TMEM108: variants seen among roughly 807,000 people sequenced by gnomAD.
TMEM108 encodes the protein transmembrane protein 108.
TMEM108 carries 12 observed loss-of-function variants against 35.1 expected under a neutral mutation model. The observed-to-expected ratio is 0.34, with a 90% CI of 0.22 to 0.55. The LOEUF is 0.55. Ranked by LOEUF, TMEM108 falls within the 20% of genes least tolerant of loss-of-function variation. The probability of loss-of-function intolerance (pLI) is 0.89; values close to 1 mark genes in which losing one functional copy is unlikely to be tolerated. For missense variants in TMEM108, 680 were observed against 753.3 expected, an observed-to-expected ratio of 0.90 and a Z score of 1.14; for synonymous variants, 287 against 308.6, an observed-to-expected ratio of 0.93 and a Z score of 0.73.
intron 2 of TMEM108, among the ~76,000 whole-genome samples, chr3:133,216,152 T>C (rs1254211382): frequency 6.6e-6 from 1 of 152,138 alleles, no homozygotes; most frequent in Non-Finnish European, 1.5e-5. Context: ...ATATCAAATA[T>C]CAGAGCTTTT....
intron 3 of TMEM108, among the ~76,000 whole-genome samples, chr3:133,361,646 A>C (rs2072353691): frequency 6.6e-6 from 1 of 152,108 alleles, no homozygotes; most frequent in Admixed American, 6.6e-5. Flanking sequence ...GCTGCTGGGA[A>C]GATTCACATA....
At chr3:133,249,542 T>C (rs1946436895) in intron 3 of TMEM108, among the ~76,000 whole-genome samples, 1 of 152,218 alleles carries the variant, frequency 6.6e-6, no homozygotes, top group South Asian at 2.1e-4. Context: ...CTCCCACTTA[T>C]AAGTGAGAAC....
Position 133,245,202 on chromosome 3 carries a change from A to G in TMEM108, c.40+15851A>G, listed in dbSNP as rs570076234. Among the ~76,000 whole-genome samples, 102 of 152,300 alleles carry G rather than the reference A, an allele frequency of 6.7e-4. 1 individual carries two copies. Among genetic ancestry groups the G allele is most frequent in the African/African-American group, 2.4e-3 (101 of 41,558 alleles). On this transcript the variant is annotated intron_variant, in intron 3 of 5. Coordinates refer to ENST00000321871, the MANE Select transcript of TMEM108 (RefSeq NM_023943.4). ...AAATGGAGGCCATCCTGAGTGGAGA[A>G]GTGACTTACCCAGGATCCAAGCCTA...
chr3:133,143,478 T>A (rs1265142574), intron 2 of TMEM108, among the ~76,000 whole-genome samples: 1 of 152,194 alleles, frequency 6.6e-6, no homozygotes. Flanking sequence ...CATCATTTAA[T>A]TTTATCATAA....
intron 2 of TMEM108, among the ~76,000 whole-genome samples, chr3:133,053,192 A>G (rs1353118105): frequency 2.0e-5 from 3 of 152,202 alleles, no homozygotes; most frequent in Non-Finnish European, 4.4e-5. Flanking sequence ...CACAGAGAGT[A>G]GAGGAACTAC....
chr3:133,076,522 G>T (rs1292411620), intron 2 of TMEM108, among the ~76,000 whole-genome samples: 1 of 152,180 alleles, frequency 6.6e-6, no homozygotes, highest in Non-Finnish European at 1.5e-5. Flanking sequence ...TAACAGAAGG[G>T]CAGAAAGGAG....
At chr3:133,197,501 AC>A (rs34979541) in intron 2 of TMEM108, among the ~76,000 whole-genome samples, 20,139 of 152,086 alleles carry the variant, frequency 0.13, 1,438 homozygotes, top group South Asian at 0.22. Context: ...AGAATTGTCC[AC>A]CCAAAGTATG....
intron 3 of TMEM108, among the ~76,000 whole-genome samples, chr3:133,364,869 A>C (rs116987668): frequency 1.3e-5 from 2 of 152,296 alleles, no homozygotes; most frequent in East Asian, 3.9e-4. Context: ...CAGGAAAGTA[A>C]GAGAAGCCGG....
intron 3 of TMEM108, among the ~76,000 whole-genome samples, chr3:133,305,234 A>G (rs1947285426): frequency 6.6e-6 from 1 of 151,692 alleles, no homozygotes. Flanking sequence ...TGAAATTGGA[A>G]ATCATCATTC....
At chr3:133,119,116 C>T (rs901802118) in intron 2 of TMEM108, 11 of 152,060 alleles carry the variant, frequency 7.2e-5, no homozygotes, top group Non-Finnish European at 1.2e-4. Context: ...ACGGCATTTT[C>T]GCATGTGCTT....
chr3:133,358,751 C>T (rs181206214), intron 3 of TMEM108, among the ~76,000 whole-genome samples: 2 of 152,262 alleles, frequency 1.3e-5, no homozygotes, highest in East Asian at 3.9e-4. Context: ...CCTGTCCCTT[C>T]TCCCCTAACC....
intron 2 of TMEM108, among the ~76,000 whole-genome samples, chr3:133,145,053 A>T (rs1944697465): frequency 6.6e-6 from 1 of 152,148 alleles, no homozygotes; most frequent in African/African-American, 2.4e-5. Flanking sequence ...CTATGTCCTG[A>T]ATGGTATTGC....
intron 1 of TMEM108, among the ~76,000 whole-genome samples, chr3:133,038,746 T>G (rs1216694184): frequency 1.3e-5 from 2 of 151,992 alleles, no homozygotes; most frequent in African/African-American, 4.8e-5. Context: ...GTGCGGGTGA[T>G]GGGGCGCGGG....
chr3:133,176,416 T>C (rs975234430), intron 2 of TMEM108, among the ~76,000 whole-genome samples: 1 of 152,104 alleles, frequency 6.6e-6, no homozygotes, highest in African/African-American at 2.4e-5. Context: ...GACCACATAG[T>C]TGGAAGTAAA....
chr3:133,342,656 G>T (rs1329342344), intron 3 of TMEM108, among the ~76,000 whole-genome samples: 1 of 148,634 alleles, frequency 6.7e-6, no homozygotes, highest in Non-Finnish European at 1.5e-5. Flanking sequence ...AAGTAAGTAA[G>T]GCACAGAAAA....
At chr3:133,043,575 A>G (rs147272099) in intron 1 of TMEM108, among the ~76,000 whole-genome samples, 5 of 152,198 alleles carry the variant, frequency 3.3e-5, no homozygotes, top group African/African-American at 9.6e-5. Context: ...TTTCAAATTC[A>G]TGTTGCTTTA....
At chr3:133,240,101 T>C (rs1324046272) in intron 3 of TMEM108, among the ~76,000 whole-genome samples, 1 of 152,244 alleles carries the variant, frequency 6.6e-6, no homozygotes, top group Non-Finnish European at 1.5e-5. Context: ...CTTGATTTTA[T>C]AAGACTTTTT....
chr3:133,215,388 A>G (rs1181311498), intron 2 of TMEM108, among the ~76,000 whole-genome samples: 2 of 151,794 alleles, frequency 1.3e-5, no homozygotes, highest in African/African-American at 4.8e-5. Context: ...AAAAGCACTA[A>G]ATAGTCCATG....
chr3:133,268,335 G>T (rs541927381), intron 3 of TMEM108, among the ~76,000 whole-genome samples: 1 of 152,266 alleles, frequency 6.6e-6, no homozygotes, highest in Admixed American at 6.5e-5. Context: ...TCAAAATGTG[G>T]TACATGGACA....
Sources: gnomAD v4.1 joint callset for allele counts (sites outside exome capture counted in the v4.1 genomes callset) on GRCh38, gnomAD v4.1.1 for gene constraint, MANE v1.5 for transcripts, NCBI Gene and HGNC (gene_info 2026-07-23, HGNC 2026-07-21) for gene names.